Variants in SLC4A4 observed in about 807,000 individuals in gnomAD.
The protein encoded by SLC4A4 is electrogenic sodium bicarbonate cotransporter 1.
A neutral mutation model predicts 111.5 loss-of-function variants in SLC4A4; 27 were observed. The ratio of observed to expected loss-of-function variants is 0.24; its 90% confidence interval spans 0.18 to 0.33. The LOEUF (loss-of-function observed/expected upper bound fraction) is 0.33. Among genes scored for constraint, SLC4A4 ranks in the 10% least tolerant of loss-of-function variants. The pLI is 1.00. For missense variants in SLC4A4, 909 were observed against 1,315.5 expected (o/e 0.69, Z 4.78); for synonymous variants, 443 against 463.4 (o/e 0.96, Z 0.57).
Position 71,536,291 on chromosome 4 carries a change from T to G in SLC4A4, c.2442+1903T>G, listed in dbSNP as rs554853529. ...GGTGAGGGGGGAATTCTCCTTTTAA[T>G]GGGGGAATGGCAAGGTCGTATTACA... On this transcript the variant is annotated intron_variant, in intron 18 of 25. Coordinates refer to ENST00000264485, the MANE Select transcript of SLC4A4 (RefSeq NM_001098484.3). Among the ~76,000 whole-genome samples, 7 of 150,310 alleles carry G rather than the reference T, an allele frequency of 4.7e-5. 1 individual carries two copies. In the South Asian group the frequency reaches 1.5e-3, roughly 32 times the overall value.
chr4:71,375,633 T>C (rs1209364355), intron 6 of SLC4A4, among the ~76,000 whole-genome samples: 2 of 152,192 alleles, frequency 1.3e-5, no homozygotes, highest in African/African-American at 4.8e-5. Flanking sequence ...TGAGTACATG[T>C]CTTATTCCCT....
At chr4:71,317,925 A>G (rs1726818184) in intron 3 of SLC4A4, among the ~76,000 whole-genome samples, 3 of 152,080 alleles carry the variant, frequency 2.0e-5, no homozygotes, top group Admixed American at 2.0e-4. Flanking sequence ...TGTTCATAAT[A>G]AGCGCTATTT....
chr4:71,274,725 T>C (rs1304622285), intron 3 of SLC4A4, among the ~76,000 whole-genome samples: 1 of 152,118 alleles, frequency 6.6e-6, no homozygotes, highest in African/African-American at 2.4e-5. Flanking sequence ...CTCTTTGACT[T>C]TTGGACACTT....
chr4:71,169,988 G>T (rs576090963), intron 2 of SLC4A4, among the ~76,000 whole-genome samples: 1 of 152,048 alleles, frequency 6.6e-6, no homozygotes, highest in South Asian at 2.1e-4. Context: ...TACCGTCACC[G>T]ATCTCCCTTT....
At chr4:71,224,303 T>G (rs1300656820) in intron 1 of SLC4A4, among the ~76,000 whole-genome samples, 1 of 152,162 alleles carries the variant, frequency 6.6e-6, no homozygotes, top group Admixed American at 6.5e-5. Flanking sequence ...CCTCCCGCTC[T>G]TGTTCCTCAA....
At position 71,442,189 on chromosome 4, in the gene SLC4A4, A is replaced by G. The variant is rs140897005; in HGVS notation, c.965+1416A>G. ...AAAATGCTTTAAAAGACTTTTATTT[A>G]ACAAAATACGCATTCATTGAGAGCA... is the stretch of plus-strand genomic sequence containing the variant. On this transcript the variant is annotated intron_variant, in intron 8 of 25. Coordinates refer to ENST00000264485, the MANE Select transcript of SLC4A4 (RefSeq NM_001098484.3). 2.2e-4 allele frequency among the ~76,000 whole-genome samples: 33 copies of G among 152,318 alleles called. 1 individual carries two copies. In the East Asian group the frequency reaches 6.2e-3, roughly 28 times the overall value.
chr4:71,267,867 C>T (rs899831778), intron 3 of SLC4A4, among the ~76,000 whole-genome samples: 1 of 148,094 alleles, frequency 6.8e-6, no homozygotes, highest in Non-Finnish European at 1.5e-5. Context: ...GTATTAAATG[C>T]CATGATAAAA....
At chr4:71,097,062 T>C (rs947281055) in intron 2 of SLC4A4, among the ~76,000 whole-genome samples, 1 of 152,202 alleles carries the variant, frequency 6.6e-6, no homozygotes, top group Non-Finnish European at 1.5e-5. Flanking sequence ...CATTTACAGG[T>C]TTGCTATATA....
chr4:71,422,088 A>G (rs1722572411), intron 7 of SLC4A4, among the ~76,000 whole-genome samples: 1 of 148,674 alleles, frequency 6.7e-6, no homozygotes, highest in Non-Finnish European at 1.5e-5. Context: ...ATAGACCGCT[A>G]GCAAGACTAA....
At chr4:71,374,872 A>C (rs1732208020) in intron 6 of SLC4A4, among the ~76,000 whole-genome samples, 1 of 152,030 alleles carries the variant, frequency 6.6e-6, no homozygotes, top group Non-Finnish European at 1.5e-5. Flanking sequence ...ATATATTTAT[A>C]ATCAGACTCT....
Position 71,106,830 on chromosome 4 carries a change from G to A in SLC4A4, c.-2+14038G>A, listed in dbSNP as rs1157139238. ...GGAGATATACCTAATGCTAGATGACGAGTTAGTGGGTGCAGCACACCAGCA... is the reference window on the plus strand; with the variant it reads ...GGAGATATACCTAATGCTAGATGACAAGTTAGTGGGTGCAGCACACCAGCA... On this transcript the variant is annotated intron_variant, in intron 2 of 26. Transcript: ENST00000649996. 3.4e-5 allele frequency among the ~76,000 whole-genome samples: 5 copies of A among 145,566 alleles called. No homozygotes were observed. In the East Asian group the frequency reaches 6.1e-4, roughly 18 times the overall value.
chr4:71,432,000 C>G (rs1159608391), intron 7 of SLC4A4, among the ~76,000 whole-genome samples: 1 of 152,106 alleles, frequency 6.6e-6, no homozygotes, highest in African/African-American at 2.4e-5. Context: ...GGAGAATGAA[C>G]TGATCTTACC....
At chr4:71,502,880 T>C (rs1254987733) in intron 16 of SLC4A4, among the ~76,000 whole-genome samples, 3 of 152,200 alleles carry the variant, frequency 2.0e-5, no homozygotes, top group African/African-American at 7.2e-5. Context: ...CCAATGTTCC[T>C]TGTTGATTTT....
At chr4:71,102,585 T>C (rs1249120234) in intron 2 of SLC4A4, among the ~76,000 whole-genome samples, 1 of 152,124 alleles carries the variant, frequency 6.6e-6, no homozygotes, top group African/African-American at 2.4e-5. Flanking sequence ...GCAGAAACTC[T>C]ACAAGCCAGA....
intron 2 of SLC4A4, among the ~76,000 whole-genome samples, chr4:71,158,078 G>C (rs1418634419): frequency 1.3e-5 from 2 of 150,870 alleles, no homozygotes; most frequent in African/African-American, 4.9e-5. Context: ...GAGAATGTCA[G>C]GCAAACACAT....
chr4:71,436,418 G>T (rs2149049632), intron 7 of SLC4A4, among the ~76,000 whole-genome samples: 1 of 152,176 alleles, frequency 6.6e-6, no homozygotes, highest in South Asian at 2.1e-4. Context: ...GGGGGTCAGG[G>T]GTCATGGGAG....
At chr4:71,271,455 C>G (rs548081076) in intron 3 of SLC4A4, among the ~76,000 whole-genome samples, 1 of 152,170 alleles carries the variant, frequency 6.6e-6, no homozygotes, top group African/African-American at 2.4e-5. Context: ...TTTGAGGGGT[C>G]TTGAAATAAT....
intron 1 of SLC4A4, among the ~76,000 whole-genome samples, chr4:71,082,026 C>A (rs1742005867): frequency 6.6e-6 from 1 of 152,052 alleles, no homozygotes; most frequent in Non-Finnish European, 1.5e-5. Flanking sequence ...ATCCAAATAC[C>A]TTGCTCCCTT....
intron 3 of SLC4A4, among the ~76,000 whole-genome samples, chr4:71,305,838 T>C (rs994069919): frequency 6.6e-6 from 1 of 152,200 alleles, no homozygotes; most frequent in African/African-American, 2.4e-5. Flanking sequence ...GACAGACATA[T>C]GAAGATTTTA....
Sources: allele counts gnomAD v4.1 joint callset (sites outside exome capture counted in the v4.1 genomes callset), GRCh38; gene constraint gnomAD v4.1.1; transcripts MANE v1.5; gene names NCBI Gene and HGNC (gene_info 2026-07-23, HGNC 2026-07-21).